Variants in SORCS2 observed in about 807,000 individuals in gnomAD.
SORCS2 encodes sortilin related VPS10 domain containing receptor 2, also known as VPS10 domain-containing receptor SorCS2.
Under a neutral mutation model 141.6 loss-of-function variants are expected in SORCS2, and 100 were observed. The observed-to-expected ratio is 0.71, with a 90% CI of 0.60 to 0.83. The LOEUF is 0.83. Ranked by LOEUF, SORCS2 falls within the 40% of genes least tolerant of loss-of-function variation. The pLI, the probability that SORCS2 is intolerant of heterozygous loss-of-function variation, is 0.00. For missense variants in SORCS2, 1,646 were observed against 1,560.2 expected, an observed-to-expected ratio of 1.05 and a Z score of -0.93; for synonymous variants, 789 against 676.9, an observed-to-expected ratio of 1.17 and a Z score of -2.57.
chr4:7,380,905 A>G (rs2109068296), intron 1 of SORCS2, among the ~76,000 whole-genome samples: 1 of 152,274 alleles, frequency 6.6e-6, no homozygotes, highest in South Asian at 2.1e-4. Flanking sequence ...AACACGGTGA[A>G]ACCCCGTCTC....
chr4:7,671,503 T>C (rs1187221585), intron 8 of SORCS2, among the ~76,000 whole-genome samples: 1 of 151,258 alleles, frequency 6.6e-6, no homozygotes, highest in Non-Finnish European at 1.5e-5. Context: ...GAAATAGCAA[T>C]AAAGAGATAG....
At chr4:7,619,057 G>T (rs774369167) in intron 3 of SORCS2, among the ~76,000 whole-genome samples, 13 of 152,120 alleles carry the variant, frequency 8.5e-5, no homozygotes, top group Non-Finnish European at 1.6e-4. Flanking sequence ...TCTGTGATGT[G>T]CACCCAGGTC....
At chr4:7,567,944 C>T (rs1263634292) in intron 3 of SORCS2, among the ~76,000 whole-genome samples, 1 of 152,198 alleles carries the variant, frequency 6.6e-6, no homozygotes, top group Non-Finnish European at 1.5e-5. Flanking sequence ...CAGTTGGCTG[C>T]TGTGTCTCTT....
intron 2 of SORCS2, chr4:7,433,715 C>T (rs777223493): frequency 3.1e-6 from 5 of 1,612,990 alleles, no homozygotes; most frequent in African/African-American, 1.3e-5. Flanking sequence ...TGGTTCTCCG[C>T]GTCCCACTCT....
At chr4:7,469,114 G>GTGATGGTGC (rs1256616283) in intron 2 of SORCS2, among the ~76,000 whole-genome samples, 1 of 138,468 alleles carries the variant, frequency 7.2e-6, no homozygotes, top group Non-Finnish European at 1.5e-5. Context: ...GGTGGTGGTG[G>GTGATGGTGC]TGATGGTGCT....
chr4:7,330,420 G>T (rs1262633905), intron 1 of SORCS2, among the ~76,000 whole-genome samples: 1 of 151,910 alleles, frequency 6.6e-6, no homozygotes, highest in African/African-American at 2.4e-5. Flanking sequence ...CCTCTCTGGA[G>T]GATGAGTCTG....
At chr4:7,463,191 A>C (rs1280981089) in intron 2 of SORCS2, among the ~76,000 whole-genome samples, 1 of 152,152 alleles carries the variant, frequency 6.6e-6, no homozygotes, top group Non-Finnish European at 1.5e-5. Flanking sequence ...TCTGTTGAGA[A>C]GCCTCCTGAA....
chr4:7,353,894 G>T (rs1472423302), intron 1 of SORCS2, among the ~76,000 whole-genome samples: 1 of 152,154 alleles, frequency 6.6e-6, no homozygotes, highest in African/African-American at 2.4e-5. Context: ...AAGCATAATG[G>T]TTTCATCAGA....
At chr4:7,540,819 A>G (rs1712587796) in intron 3 of SORCS2, among the ~76,000 whole-genome samples, 1 of 152,148 alleles carries the variant, frequency 6.6e-6, no homozygotes, top group African/African-American at 2.4e-5. Context: ...GATGAACATT[A>G]CCCACCTCAT....
intron 1 of SORCS2, among the ~76,000 whole-genome samples, chr4:7,309,984 G>A (rs915101640): frequency 6.6e-6 from 1 of 152,234 alleles, no homozygotes. Flanking sequence ...CTGGGAAATG[G>A]GGGGATTCAA....
At chr4:7,513,875 T>C (rs1207460476) in intron 2 of SORCS2, among the ~76,000 whole-genome samples, 1 of 152,214 alleles carries the variant, frequency 6.6e-6, no homozygotes, top group Non-Finnish European at 1.5e-5. Context: ...TTTGCTTGCC[T>C]GGAGAGCAGA....
rs896856194 is a variant in SORCS2, at chr4:7,502,649, C to T, written c.549-28881C>T. On this transcript the variant is annotated intron_variant, in intron 2 of 26. Transcript: ENST00000507866. ...TTCCCGTCTGTCTGGGACAGGAGTA[C>T]ACGTGAGATGCAGAGAACGGGCGTG... Among the ~76,000 whole-genome samples, 5 of 152,318 alleles carry T rather than the reference C, an allele frequency of 3.3e-5. No individual in the cohort carries two copies. The South Asian group carries it at 6.2e-4, about 19-fold the overall frequency.
chr4:7,357,378 A>G (rs1721322395), intron 1 of SORCS2, among the ~76,000 whole-genome samples: 1 of 152,208 alleles, frequency 6.6e-6, no homozygotes, highest in South Asian at 2.1e-4. Context: ...GAGAGAGCAG[A>G]TGACAGACTC....
In SORCS2 at chr4:7,333,258, G is replaced by A. The variant is rs551378163; in HGVS notation, c.481-63030G>A. On this transcript the variant is annotated intron_variant, in intron 1 of 26. Transcript: ENST00000507866. Reference sequence around the variant, plus strand: ...CCCACACCTGCCTCTTGCGTTGGGTGTTGCTTCCTCTGCCCCGGGGCTGGA... The same window carrying A: ...CCCACACCTGCCTCTTGCGTTGGGTATTGCTTCCTCTGCCCCGGGGCTGGA... Among the ~76,000 whole-genome samples, 84 of 152,342 alleles carry A rather than the reference G, an allele frequency of 5.5e-4. 1 individual carries two copies. Among genetic ancestry groups the A allele is most frequent in the African/African-American group, 1.9e-3 (80 of 41,574 alleles).
intron 23 of SORCS2, among the ~76,000 whole-genome samples, chr4:7,732,401 TGAG>T (rs1394639896): frequency 1.3e-5 from 2 of 151,970 alleles, no homozygotes; most frequent in African/African-American, 4.8e-5. Context: ...GTGAGAGGGG[TGAG>T]GAGGAAGCCC....
intron 3 of SORCS2, among the ~76,000 whole-genome samples, chr4:7,632,837 C>G (rs1183796377): frequency 6.6e-6 from 1 of 151,906 alleles, no homozygotes; most frequent in East Asian, 1.9e-4. Context: ...GGCCACCAGG[C>G]TGTTAGCCTG....
chr4:7,534,712 C>A (rs571230206), intron 3 of SORCS2, among the ~76,000 whole-genome samples: 2 of 152,284 alleles, frequency 1.3e-5, no homozygotes, highest in Admixed American at 1.3e-4. Context: ...GGAAAGCAGG[C>A]GCCTCCGGAA....
intron 2 of SORCS2, among the ~76,000 whole-genome samples, chr4:7,513,997 G>A (rs999961564): frequency 1.3e-5 from 2 of 152,164 alleles, no homozygotes; most frequent in African/African-American, 4.8e-5. Flanking sequence ...ACTGTCATTT[G>A]TTGCCTTTAT....
At chr4:7,538,587 TCACACACACA>T (rs34526550) in intron 3 of SORCS2, among the ~76,000 whole-genome samples, 29 of 150,578 alleles carry the variant, frequency 1.9e-4, no homozygotes, top group African/African-American at 6.1e-4. Context: ...AATATTAAAA[TCACACACACA>T]CACACACACA....
Sources: gnomAD v4.1 joint callset for allele counts (sites outside exome capture counted in the v4.1 genomes callset) on GRCh38, gnomAD v4.1.1 for gene constraint, MANE v1.5 for transcripts, NCBI Gene and HGNC (gene_info 2026-07-23, HGNC 2026-07-21) for gene names.